Variants in CROCC2 observed in about 807,000 individuals in gnomAD.
CROCC2 encodes ciliary rootlet coiled-coil, rootletin family member 2.
CROCC2 carries 163 observed loss-of-function variants against 177.6 expected under a neutral mutation model. The observed-to-expected ratio is 0.92, with a 90% CI of 0.81 to 1.05. The LOEUF (loss-of-function observed/expected upper bound fraction) is 1.05, where lower values mean the gene tolerates loss of function less well. Among genes scored for constraint, CROCC2 ranks in the 50% least tolerant of loss-of-function variants. The pLI is 0.00. For synonymous variants in CROCC2, 904 were observed against 787.3 expected, an observed-to-expected ratio of 1.15 and a Z score of -2.48; for missense variants, 1,929 against 1,797.8, an observed-to-expected ratio of 1.07 and a Z score of -1.32.
chr2:240,920,308 G>A (rs1485919279), intron 3 of CROCC2, among the ~76,000 whole-genome samples, 174 bp downstream of exon 3: 1 of 152,228 alleles, frequency 6.6e-6, no homozygotes, highest in Non-Finnish European at 1.5e-5. Context: ...CAGGGAAACT[G>A]AGGCAACAGA....
intron 27 of CROCC2, 37 bp downstream of exon 27, chr2:240,968,299 C>T: frequency 2.0e-6 from 3 of 1,507,152 alleles, no homozygotes; most frequent in South Asian, 2.5e-5. Context: ...AGGTGGGGCA[C>T]AAGAACAAGG....
intron 27 of CROCC2, among the ~76,000 whole-genome samples, chr2:240,975,404 G>A (rs1192946779): frequency 6.6e-6 from 1 of 152,222 alleles, no homozygotes; most frequent in Admixed American, 6.5e-5. Flanking sequence ...CTGAGGGCAG[G>A]ACGGGGCAGC....
Position 240,967,471 on chromosome 2 carries a change from C to T in CROCC2, c.4267+6C>T. On this transcript the variant is annotated splice_donor_region_variant and intron_variant, in intron 26 of 31. Transcript: ENST00000690015. ...CCTGGCTGAGGCGGAAGAAGGTGAC[C>T]TCCCTTGCCCTGCCCCGCCCACCCT... 6.5e-7 allele frequency: 1 copy of T among 1,531,258 alleles called. No individual in the cohort carries two copies. The allele number at this position is 1,531,258 out of a possible 1,614,324, so 94.9% of individuals were successfully genotyped here.
At chr2:240,922,467 C>A in intron 3 of CROCC2, 72 bp from the exon 4 acceptor site, 1 of 628,524 alleles carries the variant, frequency 1.6e-6, no homozygotes, top group Non-Finnish European at 2.9e-6. Context: ...CGGCTTTGTG[C>A]CCAAGATGCC....
At chr2:240,981,208 T>C (rs1450557877) in intron 27 of CROCC2, among the ~76,000 whole-genome samples, 1 of 149,792 alleles carries the variant, frequency 6.7e-6, no homozygotes, top group Non-Finnish European at 1.5e-5. Context: ...GGTAGGAGCC[T>C]CAGGAGCCCA....
Position 240,959,292 on chromosome 2 carries a change from T to C in CROCC2, c.2944-9T>C. The C allele has an allele frequency of 1.9e-6, 3 of 1,549,480 alleles. No individual in the cohort carries two copies. The highest frequency in any genetic ancestry group is 2.6e-6 in the Non-Finnish European group (3 of 1,146,494). On this transcript the variant is annotated splice_polypyrimidine_tract_variant and intron_variant, in intron 19 of 31. Coordinates refer to ENST00000690015, the MANE Select transcript of CROCC2 (RefSeq NM_001351305.2). Reference sequence around the variant, plus strand: ...CCTGGTGCCACCGTGGGCTCCCTTCTCCCCGCAGGCCACCATCAGTGCCAC... The same window carrying C: ...CCTGGTGCCACCGTGGGCTCCCTTCCCCCCGCAGGCCACCATCAGTGCCAC...
chr2:240,942,975 C>T (rs2059502917), intron 14 of CROCC2, among the ~76,000 whole-genome samples: 1 of 152,042 alleles, frequency 6.6e-6, no homozygotes, highest in African/African-American at 2.4e-5. Context: ...TTTACTACTT[C>T]TGAATTATAA....
chr2:240,988,980 A>G, intron 29 of CROCC2, 110 bp downstream of exon 29: 1 of 1,145,382 alleles, frequency 8.7e-7, no homozygotes, highest in Non-Finnish European at 1.1e-6. Context: ...TCCATCTCAC[A>G]CGTGCACACA....
chr2:240,973,137 T>C lies in CROCC2; in HGVS notation c.4401+4875T>C, dbSNP rs958475704. Among the ~76,000 whole-genome samples the C allele has an allele frequency of 2.6e-5, 4 of 152,224 alleles. No individual in the cohort carries two copies. Reference sequence around the variant, plus strand: ...TTCATGGGTTGGTTTTTCCCCTGTTTCACATAAGCCGATGTGTTTGTCAAG... The same window carrying C: ...TTCATGGGTTGGTTTTTCCCCTGTTCCACATAAGCCGATGTGTTTGTCAAG... On this transcript the variant is annotated intron_variant, in intron 27 of 31. Coordinates refer to ENST00000690015, the MANE Select transcript of CROCC2 (RefSeq NM_001351305.2). This position sits in a 1 kb window ranked among gnomAD's most constrained non-coding sequence, Gnocchi z 4.7.
In CROCC2 at chr2:240,982,872, C is replaced by T. The variant is rs757788507; in HGVS notation, c.4402-8C>T. On this transcript the variant is annotated splice_region_variant and splice_polypyrimidine_tract_variant and intron_variant, in intron 27 of 31. Transcript: ENST00000690015. This position sits in a 1 kb window ranked among gnomAD's most constrained non-coding sequence, Gnocchi z 4.7. ...CTCCAGGTGGACCCTGTGTCTCCTT[C>T]CCCCCAGGAGCAACTGGAAACGCTG... The T allele has an allele frequency of 1.3e-6, 2 of 1,543,506 alleles. No homozygotes were observed. The highest frequency in any genetic ancestry group is 2.4e-5 in the South Asian group (2 of 82,972).
At chr2:240,907,799 A>G (rs1330644908) in intron 1 of CROCC2, among the ~76,000 whole-genome samples, 2 of 133,378 alleles carry the variant, frequency 1.5e-5, no homozygotes. Flanking sequence ...ACCTGGGGTG[A>G]GCTCTACCTC....
chr2:240,950,620 T>TACCC, intron 18 of CROCC2, 110 bp downstream of exon 18: 2 of 1,093,388 alleles, frequency 1.8e-6, no homozygotes, highest in African/African-American at 3.2e-5. Flanking sequence ...TCCAACCGCC[T>TACCC]ACCCACCCAT....
chr2:240,912,171 CAT>C (rs1304449556), intron 1 of CROCC2, among the ~76,000 whole-genome samples: 1 of 152,196 alleles, frequency 6.6e-6, no homozygotes, highest in Non-Finnish European at 1.5e-5. Flanking sequence ...TGTTGTTACT[CAT>C]ACCACTTTTA....
In CROCC2 at chr2:240,966,229, C is replaced by T. The variant is rs2059683201; in HGVS notation, c.3966C>T (p.Ser1322=). 4.6e-6 allele frequency: 4 copies of T among 861,182 alleles called. No homozygotes were observed. Among genetic ancestry groups the T allele is most frequent in the East Asian group, 3.3e-5 (1 of 29,946 alleles). The allele number at this position is 861,182 out of a possible 1,614,324, so 53.3% of individuals were successfully genotyped here. A position where few individuals can be genotyped will look rare whatever the true frequency, so the allele number is the denominator to read the frequency against. ...CTCCGCTGTCACCTCCCGCAGGCTC[C>T]GACAGCTCCCAGGCTCTCCCTGGGC... ...PEQPGSPTKG[S]DSSQALPGQQ... The change falls in exon 25 of 32, where the codon TCC becomes TCT. Residue 1322 remains serine (S), a synonymous_variant. Coordinates refer to ENST00000690015, the MANE Select transcript of CROCC2 (RefSeq NM_001351305.2).
intron 1 of CROCC2, among the ~76,000 whole-genome samples, 175 bp downstream of exon 1, chr2:240,906,766 C>T (rs115116228): frequency 2.4e-3 from 371 of 152,342 alleles, no homozygotes; most frequent in African/African-American, 8.2e-3. Flanking sequence ...TGCAAGCAGG[C>T]GCGCCTGCAT....
intron 20 of CROCC2, chr2:240,959,920 C>CCAG (rs2059620156): frequency 6.5e-6 from 1 of 153,614 alleles, no homozygotes; most frequent in African/African-American, 2.4e-5. Flanking sequence ...AGCACACCTG[C>CCAG]CAGCTCCCAG....
chr2:240,945,922 ACTT>A, intron 14 of CROCC2, 135 bp from the exon 15 acceptor site: 1 of 642,272 alleles, frequency 1.6e-6, no homozygotes, highest in East Asian at 2.8e-5. Flanking sequence ...AGATCCACCC[ACTT>A]CTTCCACTTT....
rs2059339604 is a variant in CROCC2, at chr2:240,919,037, TG to T, written c.229+164del. ...TGGGGGACAGTCCTGGGCCCGGGGC[TG>T]GGCAAGGTGATGGCGTGGGGGACGG... On this transcript the variant is annotated intron_variant, in intron 2 of 31. Transcript: ENST00000690015. Among the ~76,000 whole-genome samples the T allele has an allele frequency of 1.7e-4, 6 of 34,496 alleles. No homozygotes were observed. The South Asian group carries it at 2.7e-3, about 15-fold the overall frequency. 22.6% of individuals were successfully genotyped at this position (34,496 alleles called of 152,430 possible).
intron 1 of CROCC2, among the ~76,000 whole-genome samples, chr2:240,915,644 C>G (rs1240487457): frequency 1.3e-5 from 2 of 152,182 alleles, no homozygotes; most frequent in African/African-American, 4.8e-5. Context: ...CACATTTCCC[C>G]CAAGGTTTGG....
Sources: gnomAD v4.1 joint callset for allele counts (sites outside exome capture counted in the v4.1 genomes callset) on GRCh38, gnomAD v4.1.1 for gene constraint, Gnocchi (gnomAD v3.1) non-coding constraint, MANE v1.5 for transcripts, NCBI Gene and HGNC (gene_info 2026-07-23, HGNC 2026-07-21) for gene names.